NDST3: variants seen among roughly 807,000 people sequenced by gnomAD.
NDST3 encodes N-deacetylase and N-sulfotransferase 3.
Under a neutral mutation model 96.1 loss-of-function variants are expected in NDST3, and 58 were observed. The ratio of observed to expected loss-of-function variants is 0.60; its 90% CI spans 0.49 to 0.75. NDST3 has a LOEUF of 0.75. NDST3 is among the 30% of genes least tolerant of loss of function. NDST3 has a pLI of 0.00. For synonymous variants in NDST3, 333 were observed against 359.7 expected (o/e 0.93, Z 0.84); for missense variants, 788 against 1,034.2 (o/e 0.76, Z 3.27).
intron 2 of NDST3, among the ~76,000 whole-genome samples, chr4:118,078,779 CAA>C (rs1727788638): frequency 1.3e-5 from 2 of 151,246 alleles, no homozygotes; most frequent in South Asian, 2.1e-4. Context: ...GTCCAAATCT[CAA>C]GTCTGCCCCT....
At chr4:118,163,466 T>C (rs1433225517) in intron 6 of NDST3, among the ~76,000 whole-genome samples, 1 of 151,738 alleles carries the variant, frequency 6.6e-6, no homozygotes, top group Non-Finnish European at 1.5e-5. Flanking sequence ...ATGGATGAAA[T>C]TGGAAATCAT....
chr4:118,047,080 G>C (rs1407229600), intron 1 of NDST3, among the ~76,000 whole-genome samples: 1 of 152,172 alleles, frequency 6.6e-6, no homozygotes, highest in Non-Finnish European at 1.5e-5. Flanking sequence ...CTAGATAAGA[G>C]GCTATCTACT....
chr4:118,236,671 G>A (rs181930081), intron 9 of NDST3, among the ~76,000 whole-genome samples: 82 of 152,142 alleles, frequency 5.4e-4, no homozygotes, highest in South Asian at 2.3e-3. Context: ...TGAACATATC[G>A]TCTGTTTTAA....
intron 6 of NDST3, among the ~76,000 whole-genome samples, chr4:118,168,137 G>A (rs1735681934): frequency 6.6e-6 from 1 of 151,602 alleles, no homozygotes; most frequent in Admixed American, 6.6e-5. Context: ...TGCAACCTAT[G>A]GAATGGGAGA....
intron 6 of NDST3, among the ~76,000 whole-genome samples, chr4:118,212,711 G>C (rs958910053): frequency 6.6e-6 from 1 of 152,114 alleles, no homozygotes; most frequent in African/African-American, 2.4e-5. Context: ...AGGGTTTTCT[G>C]AATGGCTGAC....
rs1742142424 is a variant in NDST3, at chr4:118,256,702, C to A, written c.*990C>A. 6.6e-6 allele frequency: 1 copy of A among 152,116 alleles called. No homozygotes were observed. The highest frequency in any genetic ancestry group is 2.4e-5 in the African/African-American group (1 of 41,418). 9.4% of individuals were successfully genotyped at this position (152,116 alleles called of 1,614,324 possible). Reference sequence around the variant, plus strand: ...ATTTTTAATGCTCCCCAAAACAAAACCTATTAAACTAAAACTAAAAACAGT... The same window carrying A: ...ATTTTTAATGCTCCCCAAAACAAAAACTATTAAACTAAAACTAAAAACAGT... On this transcript the variant is annotated 3_prime_UTR_variant, in exon 14 of 14. Transcript: ENST00000296499.
intron 2 of NDST3, among the ~76,000 whole-genome samples, chr4:118,074,795 A>G (rs1036839489): frequency 1.3e-5 from 2 of 152,092 alleles, no homozygotes; most frequent in South Asian, 2.1e-4. Flanking sequence ...TTTTGGTGGG[A>G]TATTATGCAT....
At chr4:118,116,938 A>G (rs778477095) in intron 4 of NDST3, among the ~76,000 whole-genome samples, 11 of 152,222 alleles carry the variant, frequency 7.2e-5, no homozygotes, top group Admixed American at 2.0e-4. Context: ...ATTTTTTAGA[A>G]TTCCCAACTA....
At chr4:118,072,486 G>A (rs1346048213) in intron 2 of NDST3, among the ~76,000 whole-genome samples, 2 of 151,912 alleles carry the variant, frequency 1.3e-5, no homozygotes, top group African/African-American at 2.4e-5. Context: ...GTTTGTGAAT[G>A]GCTATTGTGA....
chr4:118,087,352 C>T (rs1264864264), intron 2 of NDST3, among the ~76,000 whole-genome samples: 1 of 152,052 alleles, frequency 6.6e-6, no homozygotes, highest in East Asian at 1.9e-4. Flanking sequence ...AAGATCACTA[C>T]GAAGGCAGGG....
chr4:118,051,208 AC>A (rs1253799565), intron 1 of NDST3, among the ~76,000 whole-genome samples: 1 of 152,184 alleles, frequency 6.6e-6, no homozygotes, highest in East Asian at 1.9e-4. Context: ...TTTACCATAT[AC>A]AAAAATTAAC....
chr4:118,151,784 A>G (rs1414976014), intron 6 of NDST3, among the ~76,000 whole-genome samples: 1 of 152,154 alleles, frequency 6.6e-6, no homozygotes, highest in East Asian at 1.9e-4. Context: ...TCTACCTTAA[A>G]CTGGATTTTA....
chr4:118,236,122 A>C (rs1476550457), intron 9 of NDST3, among the ~76,000 whole-genome samples: 4 of 152,186 alleles, frequency 2.6e-5, no homozygotes, highest in Admixed American at 2.6e-4. Flanking sequence ...CCAGTGTGAT[A>C]ATGGCTTATG....
intron 6 of NDST3, among the ~76,000 whole-genome samples, chr4:118,192,872 CA>C (rs1225936913): frequency 6.6e-6 from 1 of 151,964 alleles, no homozygotes; most frequent in Non-Finnish European, 1.5e-5. Flanking sequence ...GAACGGGGGA[CA>C]GGGGGTGGTC....
At chr4:118,049,048 A>T (rs1176907451) in intron 1 of NDST3, among the ~76,000 whole-genome samples, 1 of 152,162 alleles carries the variant, frequency 6.6e-6, no homozygotes, top group Non-Finnish European at 1.5e-5. Flanking sequence ...AGTGCAATTT[A>T]AAAAATCAAT....
At chr4:118,049,243 T>G (rs906954775) in intron 1 of NDST3, among the ~76,000 whole-genome samples, 4 of 152,118 alleles carry the variant, frequency 2.6e-5, no homozygotes, top group Non-Finnish European at 5.9e-5. Context: ...AGAAAGATTA[T>G]AGCATTAAAT....
intron 12 of NDST3, among the ~76,000 whole-genome samples, chr4:118,244,769 T>C (rs1328940372): frequency 6.6e-6 from 1 of 152,162 alleles, no homozygotes; most frequent in Admixed American, 6.5e-5. Flanking sequence ...TTGTTTATTC[T>C]TTTCCACAAG....
At chr4:118,058,662 C>T (rs558696524) in intron 2 of NDST3, among the ~76,000 whole-genome samples, 83 of 149,318 alleles carry the variant, frequency 5.6e-4, no homozygotes, top group Non-Finnish European at 8.8e-4. Flanking sequence ...TGCATGCAAA[C>T]GTGTTCCATT....
intron 12 of NDST3, among the ~76,000 whole-genome samples, chr4:118,244,469 G>A (rs184612259): frequency 1.3e-5 from 2 of 152,116 alleles, no homozygotes; most frequent in East Asian, 1.9e-4. Context: ...TGATAATGAC[G>A]ACTATCTCAT....
Sources: gnomAD v4.1 joint callset for allele counts (sites outside exome capture counted in the v4.1 genomes callset) on GRCh38, gnomAD v4.1.1 for gene constraint, MANE v1.5 for transcripts, NCBI Gene and HGNC (gene_info 2026-07-23, HGNC 2026-07-21) for gene names.